The following ADAMTS20 variants were observed in gnomAD, a reference collection of about 807,000 sequenced individuals.
ADAMTS20 encodes the protein A disintegrin and metalloproteinase with thrombospondin motifs 20.
Under a neutral mutation model 260.1 loss-of-function variants are expected in ADAMTS20, and 225 were observed. The ratio of observed to expected loss-of-function variants is 0.87; its 90% confidence interval spans 0.78 to 0.97. ADAMTS20 has a LOEUF of 0.97. Ranked by LOEUF, ADAMTS20 falls within the 50% of genes least tolerant of loss-of-function variation. The pLI is 0.00. For missense variants in ADAMTS20, 2,400 were observed against 2,337.7 expected, an observed-to-expected ratio of 1.03 and a Z score of -0.55; for synonymous variants, 802 against 769.5, an observed-to-expected ratio of 1.04 and a Z score of -0.70.
Position 43,527,340 on chromosome 12 carries a change from T to C in ADAMTS20, c.613+4696A>G, listed in dbSNP as rs181179805. Among the ~76,000 whole-genome samples, 669 of 152,200 alleles carry C rather than the reference T, an allele frequency of 4.4e-3. 4 individuals carry two copies. The highest frequency in any genetic ancestry group is 7.9e-3 in the Non-Finnish European group (535 of 67,992). On this transcript the variant is annotated intron_variant, in intron 3 of 38. Transcript: ENST00000389420. ...AACAGGGAATCCTCCATAAATATCCTATGAAGTCAGCATCACTCTGATACC... is the reference window on the plus strand; with the variant it reads ...AACAGGGAATCCTCCATAAATATCCCATGAAGTCAGCATCACTCTGATACC...
intron 7 of ADAMTS20, among the ~76,000 whole-genome samples, chr12:43,474,034 T>C (rs568415764): frequency 2.0e-5 from 3 of 151,254 alleles, no homozygotes; most frequent in Non-Finnish European, 4.4e-5. Context: ...CTTCAAAAAA[T>C]CAATGAATCC....
chr12:43,406,798 T>G (rs1283674779), intron 28 of ADAMTS20, among the ~76,000 whole-genome samples: 5 of 152,060 alleles, frequency 3.3e-5, no homozygotes, highest in Non-Finnish European at 7.4e-5. Context: ...TTTTTTAAAC[T>G]GAGCGTCTCA....
intron 28 of ADAMTS20, among the ~76,000 whole-genome samples, chr12:43,408,700 G>A (rs566113914): frequency 1.3e-5 from 2 of 152,196 alleles, no homozygotes; most frequent in East Asian, 1.9e-4. Flanking sequence ...AGGGGAGAAT[G>A]TTTTAGAGAT....
chr12:43,455,693 A>G (rs2137359649), intron 11 of ADAMTS20, among the ~76,000 whole-genome samples: 1 of 150,476 alleles, frequency 6.6e-6, no homozygotes, highest in South Asian at 2.1e-4. Context: ...CCATCAATGG[A>G]CACTGGGTTG....
chr12:43,359,982 A>T (rs1029292454), intron 37 of ADAMTS20, among the ~76,000 whole-genome samples: 1 of 152,200 alleles, frequency 6.6e-6, no homozygotes, highest in Non-Finnish European at 1.5e-5. Flanking sequence ...TAAAAGAAAA[A>T]TTTGACTTTA....
intron 18 of ADAMTS20, among the ~76,000 whole-genome samples, chr12:43,436,789 C>T (rs183828868): frequency 6.6e-6 from 1 of 152,170 alleles, no homozygotes; most frequent in Non-Finnish European, 1.5e-5. Flanking sequence ...CTCCTGCTGG[C>T]ACCATGCCAA....
chr12:43,399,688 G>A (rs995252192), intron 28 of ADAMTS20, among the ~76,000 whole-genome samples: 23 of 152,068 alleles, frequency 1.5e-4, no homozygotes, highest in Non-Finnish European at 4.4e-5. Context: ...TCTCAGTGCA[G>A]AAAACTGATT....
At position 43,462,878 on chromosome 12, in the gene ADAMTS20, C is replaced by T; in HGVS notation, c.1614+17G>A. The T allele has an allele frequency of 1.3e-6, 2 of 1,579,502 alleles. No individual in the cohort carries two copies. Among genetic ancestry groups the T allele is most frequent in the Non-Finnish European group, 8.6e-7 (1 of 1,158,188 alleles). ...GATAATATCTTCATACAAGACTCAC[C>T]CTTCAAGAAAACCTACCATTCCAGG... On this transcript the variant is annotated intron_variant, in intron 11 of 38. Transcript: ENST00000389420.
At chr12:43,361,513 G>A (rs890390311) in intron 37 of ADAMTS20, among the ~76,000 whole-genome samples, 2 of 152,240 alleles carry the variant, frequency 1.3e-5, no homozygotes, top group Non-Finnish European at 2.9e-5. Flanking sequence ...GCCCCAGTGG[G>A]CAGGAAGAGC....
At chr12:43,514,668 T>C (rs1025640582) in intron 3 of ADAMTS20, among the ~76,000 whole-genome samples, 1 of 145,194 alleles carries the variant, frequency 6.9e-6, no homozygotes, top group African/African-American at 2.6e-5. Context: ...GATGAACCAA[T>C]GGATCCTAAT....
At chr12:43,361,633 A>G (rs1037250678) in intron 37 of ADAMTS20, among the ~76,000 whole-genome samples, 5 of 152,232 alleles carry the variant, frequency 3.3e-5, no homozygotes, top group African/African-American at 1.2e-4. Context: ...TTATAGCTAT[A>G]TAACTTTTTC....
Position 43,376,220 on chromosome 12 carries a change from A to C in ADAMTS20, c.5220+16T>G. The C allele has an allele frequency of 3.3e-6, 5 of 1,534,772 alleles. No homozygotes were observed. The South Asian group carries it at 6.2e-5, about 19-fold the overall frequency. ...TGATCAATGTTAAAATAAAAAAGGA[A>C]CTGTTTTCATAATACCTTTATTATT... is the stretch of plus-strand genomic sequence containing the variant. On this transcript the variant is annotated intron_variant, in intron 34 of 38. Coordinates refer to ENST00000389420, the MANE Select transcript of ADAMTS20 (RefSeq NM_025003.5).
intron 2 of ADAMTS20, 129 bp from the exon 3 acceptor site, chr12:43,532,324 C>A: frequency 1.3e-6 from 1 of 786,778 alleles, no homozygotes; most frequent in Non-Finnish European, 2.0e-6. Flanking sequence ...GAGCCATCAA[C>A]TGAGCATAAA....
chr12:43,464,091 C>T (rs1458109752), intron 10 of ADAMTS20, among the ~76,000 whole-genome samples: 2 of 152,038 alleles, frequency 1.3e-5, no homozygotes, highest in Non-Finnish European at 2.9e-5. Flanking sequence ...AAAGGTATCT[C>T]ATCTATGAAA....
intron 31 of ADAMTS20, 110 bp from the exon 32 acceptor site, chr12:43,377,672 A>G (rs571416045): frequency 1.0e-4 from 89 of 866,248 alleles, no homozygotes; most frequent in Non-Finnish European, 1.4e-4. Context: ...CAACAATCCT[A>G]TTTAATTAGC....
At chr12:43,451,317 T>C (rs953900533) in intron 14 of ADAMTS20, among the ~76,000 whole-genome samples, 2 of 152,168 alleles carry the variant, frequency 1.3e-5, no homozygotes, top group Non-Finnish European at 2.9e-5. Context: ...AAGACTGCCA[T>C]TGCAATGTTT....
At chr12:43,524,095 G>A (rs1211878452) in intron 3 of ADAMTS20, among the ~76,000 whole-genome samples, 1 of 69,110 alleles carries the variant, frequency 1.4e-5, no homozygotes, top group Non-Finnish European at 3.0e-5. Flanking sequence ...TTGTGCCCAG[G>A]AAGGAGTTAA....
At chr12:43,459,546 C>T (rs1942024051) in intron 11 of ADAMTS20, among the ~76,000 whole-genome samples, 1 of 152,194 alleles carries the variant, frequency 6.6e-6, no homozygotes, top group Non-Finnish European at 1.5e-5. Flanking sequence ...ATCTTGGGAG[C>T]TCTGGGAGCA....
intron 2 of ADAMTS20, among the ~76,000 whole-genome samples, chr12:43,540,272 T>C (rs921630260): frequency 6.6e-6 from 1 of 152,178 alleles, no homozygotes; most frequent in South Asian, 2.1e-4. Context: ...TGTGTTCCCA[T>C]GTAAGAAGAA....
Sources: gnomAD v4.1 joint callset for allele counts (sites outside exome capture counted in the v4.1 genomes callset) on GRCh38, gnomAD v4.1.1 for gene constraint, MANE v1.5 for transcripts, NCBI Gene and HGNC (gene_info 2026-07-23, HGNC 2026-07-21) for gene names.